QTGAL: variants seen among roughly 807,000 people sequenced by gnomAD.
QTGAL encodes the protein queuosine-tRNA galactosyltransferase, also known as BGnT-like protein 1.
chr17:82,971,645 G>A, the QTGAL span, among the ~76,000 whole-genome samples: 5 of 122,236 alleles, frequency 4.1e-5, no homozygotes, highest in African/African-American at 9.2e-5. Flanking sequence ...ACCTGGTGCC[G>A]ACCACACCAC....
At chr17:83,037,425 C>T in the QTGAL span, among the ~76,000 whole-genome samples, 2,158 of 152,318 alleles carry the variant, frequency 0.014, 54 homozygotes, top group African/African-American at 0.049. The surrounding 1 kb of genome is among the most constrained non-coding windows in gnomAD (Gnocchi z 5.2). Context: ...GCATTAATCC[C>T]TAAAGTTTAG....
At chr17:83,018,087 C>G in the QTGAL span, among the ~76,000 whole-genome samples, 8 of 59,574 alleles carry the variant, frequency 1.3e-4, no homozygotes, top group South Asian at 7.2e-4. Flanking sequence ...CCGTGAACAC[C>G]GTGCGCCTGT....
the QTGAL span, chr17:82,945,382 C>T: frequency 6.6e-6 from 1 of 152,184 alleles, no homozygotes; most frequent in African/African-American, 2.4e-5. Flanking sequence ...ATACAGAAGC[C>T]TAACAGTCTC....
the QTGAL span, among the ~76,000 whole-genome samples, chr17:83,012,456 T>G: frequency 5.3e-5 from 8 of 152,238 alleles, no homozygotes; most frequent in Non-Finnish European, 1.2e-4. Flanking sequence ...GACGTCTGTA[T>G]GATTGATTCT....
At chr17:82,956,092 CCACCATGG>C in the QTGAL span, among the ~76,000 whole-genome samples, 1 of 152,174 alleles carries the variant, frequency 6.6e-6, no homozygotes, top group South Asian at 2.1e-4. The surrounding 1 kb of genome is among the most constrained non-coding windows in gnomAD (Gnocchi z 5.7). Flanking sequence ...GTGCAGCAAA[CCACCATGG>C]CACATGTAAA....
the QTGAL span, among the ~76,000 whole-genome samples, chr17:82,985,172 T>C: frequency 6.6e-6 from 1 of 152,248 alleles, no homozygotes; most frequent in Non-Finnish European, 1.5e-5. Context: ...TGTTTAGAAT[T>C]AGCAGTGTTA....
the QTGAL span, among the ~76,000 whole-genome samples, chr17:82,950,911 C>A: frequency 6.6e-6 from 1 of 152,178 alleles, no homozygotes; most frequent in Non-Finnish European, 1.5e-5. Flanking sequence ...ATTTCTAGAG[C>A]CACAGGCAGA....
the QTGAL span, chr17:83,006,413 C>T: frequency 1.0e-6 from 1 of 985,242 alleles, no homozygotes; most frequent in Non-Finnish European, 1.2e-6. The surrounding 1 kb of genome is among the most constrained non-coding windows in gnomAD (Gnocchi z 5.8). Flanking sequence ...ATTGTGAATT[C>T]ACATTGCAGC....
At chr17:83,014,376 A>G in the QTGAL span, 2 of 1,492,256 alleles carry the variant, frequency 1.3e-6, no homozygotes, top group Admixed American at 1.8e-5. Flanking sequence ...TTCCACCCCT[A>G]GGAAAACTCT....
the QTGAL span, among the ~76,000 whole-genome samples, chr17:83,046,048 T>G: frequency 6.6e-6 from 1 of 152,180 alleles, no homozygotes; most frequent in Non-Finnish European, 1.5e-5. Context: ...GGTCTTGAAC[T>G]CCTGACCTCT....
the QTGAL span, among the ~76,000 whole-genome samples, chr17:82,972,256 G>A: frequency 5.2e-5 from 6 of 115,568 alleles, no homozygotes; most frequent in Admixed American, 2.7e-4. Context: ...AGAAGGACCC[G>A]GTACTGACCA....
At chr17:82,996,869 A>G in the QTGAL span, among the ~76,000 whole-genome samples, 1 of 152,228 alleles carries the variant, frequency 6.6e-6, no homozygotes, top group Non-Finnish European at 1.5e-5. Flanking sequence ...TTAGACCCCT[A>G]TCTTTCACCA....
chr17:82,986,768 A>G, the QTGAL span, among the ~76,000 whole-genome samples: 2 of 152,220 alleles, frequency 1.3e-5, no homozygotes, highest in African/African-American at 4.8e-5. Context: ...TCAAAATTAC[A>G]TTTTCAAAAT....
At chr17:83,015,277 T>C in the QTGAL span, among the ~76,000 whole-genome samples, 3 of 152,084 alleles carry the variant, frequency 2.0e-5, no homozygotes, top group Admixed American at 1.3e-4. The surrounding 1 kb of genome is among the most constrained non-coding windows in gnomAD (Gnocchi z 4.4). Flanking sequence ...GAGGGGACCG[T>C]CTGGCATCTT....
the QTGAL span, among the ~76,000 whole-genome samples, chr17:82,996,570 C>T: frequency 6.6e-6 from 1 of 150,728 alleles, no homozygotes; most frequent in Non-Finnish European, 1.5e-5. Flanking sequence ...TTATATGAAA[C>T]CACAGAAGAA....
At chr17:82,972,705 C>CTAGAAGGA in the QTGAL span, among the ~76,000 whole-genome samples, 1 of 124,958 alleles carries the variant, frequency 8.0e-6, no homozygotes, top group African/African-American at 3.7e-5. Context: ...ACCACAGGGG[C>CTAGAAGGA]CAGAAGGACC....
At chr17:83,005,299 T>C in the QTGAL span, 1 of 1,104,110 alleles carries the variant, frequency 9.1e-7, no homozygotes, top group Non-Finnish European at 1.3e-6. This position sits in a 1 kb window ranked among gnomAD's most constrained non-coding sequence, Gnocchi z 5.6. Context: ...TCACATGTTT[T>C]AGGCAGAGAT....
chr17:82,981,380 T>C, the QTGAL span: 1 of 152,268 alleles, frequency 6.6e-6, no homozygotes, highest in Non-Finnish European at 1.5e-5. Context: ...GAGACCTGCA[T>C]CATGCCTCCC....
At chr17:83,000,808 G>A in the QTGAL span, among the ~76,000 whole-genome samples, 10 of 152,320 alleles carry the variant, frequency 6.6e-5, no homozygotes, top group Middle Eastern at 3.4e-3. Flanking sequence ...TGCTGTGAGC[G>A]AGCCACGCAT....
Sources: gnomAD v4.1 joint callset for allele counts (sites outside exome capture counted in the v4.1 genomes callset) on GRCh38, gnomAD v4.1.1 for gene constraint, Gnocchi (gnomAD v3.1) non-coding constraint, MANE v1.5 for transcripts, NCBI Gene and HGNC (gene_info 2026-07-23, HGNC 2026-07-21) for gene names.